GALNTL6: variants seen among roughly 807,000 people sequenced by gnomAD.
GALNTL6 encodes polypeptide N-acetylgalactosaminyltransferase like 6.
A neutral mutation model predicts 73.7 loss-of-function variants in GALNTL6; 46 were observed. The ratio of observed to expected loss-of-function variants is 0.62; its 90% CI spans 0.49 to 0.80. The LOEUF (loss-of-function observed/expected upper bound fraction) is 0.80, where lower values mean the gene tolerates loss of function less well. GALNTL6 is among the 30% of genes least tolerant of loss of function. The probability of loss-of-function intolerance (pLI) is 0.00; values close to 1 mark genes in which losing one functional copy is unlikely to be tolerated. For missense variants in GALNTL6, 604 were observed against 755.0 expected (o/e 0.80, Z 2.34); for synonymous variants, 259 against 263.7 (o/e 0.98, Z 0.17).
intron 5 of GALNTL6, among the ~76,000 whole-genome samples, chr4:172,527,262 C>A (rs1734990644): frequency 6.6e-6 from 1 of 152,162 alleles, no homozygotes; most frequent in South Asian, 2.1e-4. Flanking sequence ...ATATAGAATT[C>A]TCATCCTACC....
intron 2 of GALNTL6, among the ~76,000 whole-genome samples, chr4:171,949,155 G>C (rs755394719): frequency 2.6e-5 from 4 of 152,144 alleles, no homozygotes; most frequent in Middle Eastern, 3.2e-3. Context: ...GATGGCCTTG[G>C]GGAAAGCAGG....
chr4:171,903,353 TC>T (rs1737163469), intron 2 of GALNTL6, among the ~76,000 whole-genome samples: 1 of 152,062 alleles, frequency 6.6e-6, no homozygotes, highest in Admixed American at 6.5e-5. Flanking sequence ...GTCAGGGAGT[TC>T]CTTTTCCTAG....
chr4:172,272,169 G>A (rs533220806), intron 3 of GALNTL6, among the ~76,000 whole-genome samples: 68 of 152,232 alleles, frequency 4.5e-4, no homozygotes, highest in African/African-American at 1.6e-3. Context: ...TGGCCATGCT[G>A]CTTTCAAACT....
At chr4:171,853,578 T>C (rs1735589383) in intron 2 of GALNTL6, among the ~76,000 whole-genome samples, 1 of 150,550 alleles carries the variant, frequency 6.6e-6, no homozygotes, top group African/African-American at 2.4e-5. Flanking sequence ...TTTGCTTTTT[T>C]CTCTCTTTTG....
intron 2 of GALNTL6, among the ~76,000 whole-genome samples, chr4:172,207,824 G>T (rs28697593): frequency 0.011 from 1,613 of 152,258 alleles, 28 homozygotes; most frequent in African/African-American, 0.037. Flanking sequence ...TAACTTGCAC[G>T]CAGTAAGTAC....
chr4:172,267,391 G>A (rs1162748013), intron 3 of GALNTL6, among the ~76,000 whole-genome samples: 1 of 152,068 alleles, frequency 6.6e-6, no homozygotes, highest in Admixed American at 6.6e-5. Flanking sequence ...AGTTTGTAGA[G>A]GAAATAGTGC....
chr4:172,175,263 A>C (rs1734954816), intron 2 of GALNTL6, among the ~76,000 whole-genome samples: 1 of 151,970 alleles, frequency 6.6e-6, no homozygotes, highest in Admixed American at 6.6e-5. Flanking sequence ...ATGGGGTTTC[A>C]CCATGTTGAC....
At chr4:171,884,281 A>T (rs1736547501) in intron 2 of GALNTL6, among the ~76,000 whole-genome samples, 1 of 152,112 alleles carries the variant, frequency 6.6e-6, no homozygotes, top group African/African-American at 2.4e-5. Context: ...TCATGCTTAG[A>T]CTCAACATTT....
At chr4:172,419,084 T>G (rs889240940) in intron 5 of GALNTL6, among the ~76,000 whole-genome samples, 2 of 152,132 alleles carry the variant, frequency 1.3e-5, no homozygotes, top group Non-Finnish European at 1.5e-5. Context: ...GTGGTATATG[T>G]ATATTTGCAC....
intron 5 of GALNTL6, among the ~76,000 whole-genome samples, chr4:172,698,371 T>G (rs1336329271): frequency 6.6e-6 from 1 of 152,122 alleles, no homozygotes; most frequent in Non-Finnish European, 1.5e-5. Flanking sequence ...CAACTAGTTT[T>G]GGCTCCTCCC....
intron 2 of GALNTL6, among the ~76,000 whole-genome samples, chr4:171,928,061 G>A (rs1439143601): frequency 6.6e-6 from 1 of 152,010 alleles, no homozygotes; most frequent in Non-Finnish European, 1.5e-5. Context: ...TTGAAAAACT[G>A]AAAGAATGAA....
intron 5 of GALNTL6, among the ~76,000 whole-genome samples, chr4:172,466,558 G>A (rs1418880471): frequency 6.6e-6 from 1 of 152,160 alleles, no homozygotes; most frequent in East Asian, 1.9e-4. Flanking sequence ...AAAAGCATTG[G>A]CCTTTGGTTT....
chr4:171,895,337 G>A (rs116353753), intron 2 of GALNTL6, among the ~76,000 whole-genome samples: 1,890 of 152,284 alleles, frequency 0.012, 45 homozygotes, highest in African/African-American at 0.043. Flanking sequence ...CAATTCTCTG[G>A]TCTGGGAAAT....
intron 10 of GALNTL6, among the ~76,000 whole-genome samples, chr4:172,981,870 C>T (rs1385721765): frequency 2.1e-5 from 3 of 144,008 alleles, no homozygotes; most frequent in Non-Finnish European, 3.0e-5. Flanking sequence ...TGTGATAGCT[C>T]ACCGCAACCT....
At position 172,459,101 on chromosome 4, in the gene GALNTL6, A is replaced by G. The variant is rs186293234; in HGVS notation, c.553+110412A>G. On this transcript the variant is annotated intron_variant, in intron 5 of 12. Coordinates refer to ENST00000506823, the MANE Select transcript of GALNTL6 (RefSeq NM_001034845.3). ...TGTAATCCATCACATAAACAGAACCAATGACAAAAACCACATGATTATCTC... is the reference window on the plus strand; with the variant it reads ...TGTAATCCATCACATAAACAGAACCGATGACAAAAACCACATGATTATCTC... Among the ~76,000 whole-genome samples the G allele has an allele frequency of 1.9e-3, 294 of 152,346 alleles. 1 individual carries two copies. The highest frequency in any genetic ancestry group is 6.8e-3 in the African/African-American group (282 of 41,586).
intron 5 of GALNTL6, among the ~76,000 whole-genome samples, chr4:172,606,686 A>ACT (rs1738313748): frequency 1.0e-5 from 1 of 98,598 alleles, no homozygotes; most frequent in Non-Finnish European, 2.1e-5. Flanking sequence ...CTATATATAT[A>ACT]GTATATATAT....
chr4:172,388,303 C>A (rs1412413427), intron 5 of GALNTL6, among the ~76,000 whole-genome samples: 1 of 152,124 alleles, frequency 6.6e-6, no homozygotes, highest in Non-Finnish European at 1.5e-5. Context: ...AAATACCATA[C>A]ATTGGTCAAT....
chr4:172,240,930 G>A lies in GALNTL6; in HGVS notation c.247+11166G>A, dbSNP rs78711226. Among the ~76,000 whole-genome samples, 1,078 of 152,266 alleles carry A rather than the reference G, an allele frequency of 7.1e-3. 11 individuals are homozygous for A. Among genetic ancestry groups the A allele is most frequent in the African/African-American group, 0.024 (1,008 of 41,550 alleles). On this transcript the variant is annotated intron_variant, in intron 3 of 12. Transcript: ENST00000506823. ...AAAAGACACACTGGCTTTTTGAGTT[G>A]CCAGAGTTCTTGTGCTGGTTCTTTT...
intron 2 of GALNTL6, among the ~76,000 whole-genome samples, chr4:172,153,939 G>A (rs766849162): frequency 6.6e-6 from 1 of 152,166 alleles, no homozygotes; most frequent in African/African-American, 2.4e-5. Context: ...GAGGCTGCCC[G>A]GGAACATTTA....
Sources: allele counts gnomAD v4.1 joint callset (sites outside exome capture counted in the v4.1 genomes callset), GRCh38; gene constraint gnomAD v4.1.1; transcripts MANE v1.5; gene names NCBI Gene and HGNC (gene_info 2026-07-23, HGNC 2026-07-21).